GUCY2D: variants seen among roughly 807,000 people sequenced by gnomAD.
The protein encoded by GUCY2D is retinal guanylyl cyclase 1.
A neutral mutation model predicts 101.3 loss-of-function variants in GUCY2D; 70 were observed. That is an observed-to-expected ratio of 0.69 (90% CI 0.57 to 0.84). The LOEUF (loss-of-function observed/expected upper bound fraction) is 0.84, where lower values mean the gene tolerates loss of function less well. Among genes scored for constraint, GUCY2D ranks in the 40% least tolerant of loss-of-function variants. The probability of loss-of-function intolerance (pLI) is 0.00; values close to 1 mark genes in which losing one functional copy is unlikely to be tolerated. For missense variants in GUCY2D, 1,460 were observed against 1,542.5 expected, an observed-to-expected ratio of 0.95 and a Z score of 0.90; for synonymous variants, 688 against 670.7, an observed-to-expected ratio of 1.03 and a Z score of -0.40.
rs1178444324 is a variant in GUCY2D at position 8,004,321 on chromosome 17, G to T, written c.1026+165G>T. Reference sequence around the variant, plus strand: ...CTGGCCCCACTTGGGGTCTCTTAGTGTACGAGGATTGCCTCTAGAGAGTAG... The same window carrying T: ...CTGGCCCCACTTGGGGTCTCTTAGTTTACGAGGATTGCCTCTAGAGAGTAG... On this transcript the variant is annotated intron_variant, in intron 3 of 19. Transcript: ENST00000254854. 5.9e-5 allele frequency among the ~76,000 whole-genome samples: 9 copies of T among 152,196 alleles called. No homozygotes were observed. In the East Asian group the frequency reaches 1.7e-3, roughly 29 times the overall value.
intron 6 of GUCY2D, 60 bp downstream of exon 6, chr17:8,007,588 C>A: frequency 9.4e-7 from 1 of 1,068,084 alleles, no homozygotes; most frequent in Non-Finnish European, 1.5e-6. Context: ...GGTTCCTTCC[C>A]TGGGCCAGTC....
Position 8,006,538 on chromosome 17 carries a change from C to T in GUCY2D, c.1202C>T (p.Pro401Leu), listed in dbSNP as rs1413237485. ...GACCTAGGAGGAGACGAGGAGCCCCCATTCGTGCTGCTAGACACGGACGCG... is the reference window on the plus strand; with the variant it reads ...GACCTAGGAGGAGACGAGGAGCCCCTATTCGTGCTGCTAGACACGGACGCG... ...CGDLGGDEEPPFVLLDTDAAG... is the reference protein window; with the variant it reads ...CGDLGGDEEPLFVLLDTDAAG... The change falls in exon 4 of 20, where the codon CCA becomes CTA. Residue 401 changes from proline to leucine, a missense_variant. Pro to Leu is a moderately conservative substitution (Grantham distance 98). Transcript: ENST00000254854. The T allele has an allele frequency of 3.1e-6, 5 of 1,612,246 alleles. No homozygotes were observed. The highest frequency in any genetic ancestry group is 4.2e-6 in the Non-Finnish European group (5 of 1,180,028).
rs373362030 is a variant in GUCY2D at position 8,012,168 on chromosome 17, G to A, written c.1774G>A (p.Val592Met). The change falls in exon 9 of 20, where the codon GTG becomes ATG. Residue 592 changes from valine (V) to methionine (M), a missense_variant. This residue lies in a region of GUCY2D where 1,196 missense variants were observed against 1,229.6 expected (regional missense o/e 0.97). Transcript: ENST00000254854. ...GCTCCAGGAGCTCCGGCATGAGAAC[G>A]TGGCCCTCTACCTGGGGCTTTTCCT... ...SKLQELRHEN[V>M]ALYLGLFLAR... 4 of 1,613,852 alleles carry A rather than the reference G, an allele frequency of 2.5e-6. No homozygotes were observed. The highest frequency in any genetic ancestry group is 2.2e-5 in the East Asian group (1 of 44,880).
At chr17:8,015,639 G>C in intron 15 of GUCY2D, 104 bp from the exon 16 acceptor site, 1 of 1,181,846 alleles carries the variant, frequency 8.5e-7, no homozygotes, top group South Asian at 1.3e-5. Context: ...AGGCTTATTT[G>C]GGGGGCTGGT....
Position 8,013,145 on chromosome 17 carries a change from T to C in GUCY2D, c.2156T>C (p.Leu719Pro), listed in dbSNP as rs756464199. 11 of 1,613,736 alleles carry C rather than the reference T, an allele frequency of 6.8e-6. No individual in the cohort carries two copies. The highest frequency in any genetic ancestry group is 9.3e-6 in the Non-Finnish European group (11 of 1,179,980). Residue 719 changes from leucine to proline, a missense_variant, in exon 11 of 20, where the codon CTG becomes CCG. Transcript: ENST00000254854. The surrounding 1 kb of genome is among the most constrained non-coding windows in gnomAD (Gnocchi z 5.0). ...TAPELLRDPA[L>P]ERRGTLAGDV... Reference sequence around the variant, plus strand: ...CCGGAGCTGCTTAGGGACCCAGCCCTGGAGCGCCGGGGAACGCTGGCCGGC... The same window carrying C: ...CCGGAGCTGCTTAGGGACCCAGCCCCGGAGCGCCGGGGAACGCTGGCCGGC...
Position 8,013,175 on chromosome 17 carries a change from T to C in GUCY2D, c.2186T>C (p.Val729Ala). 2 of 1,614,020 alleles carry C rather than the reference T, an allele frequency of 1.2e-6. 1 individual carries two copies. Among genetic ancestry groups the C allele is most frequent in the Non-Finnish European group, 1.7e-6 (2 of 1,179,974 alleles). ...LERRGTLAGDVFSLAIIMQEV... is the reference protein window; with the variant it reads ...LERRGTLAGDAFSLAIIMQEV... ...CGCCGGGGAACGCTGGCCGGCGACG[T>C]CTTTAGCTTGGCCATCATCATGCAA... Residue 729 changes from valine (V) to alanine (A), a missense_variant, in exon 11 of 20, where the codon GTC (valine) becomes GCC (alanine). This residue lies in a region of GUCY2D where 1,196 missense variants were observed against 1,229.6 expected (regional missense o/e 0.97). Coordinates refer to ENST00000254854, the MANE Select transcript of GUCY2D (RefSeq NM_000180.4). The surrounding 1 kb of genome is among the most constrained non-coding windows in gnomAD (Gnocchi z 5.0).
chr17:8,013,057 T>C lies in GUCY2D; in HGVS notation c.2114-46T>C. On this transcript the variant is annotated intron_variant, in intron 10 of 19. Transcript: ENST00000254854. The surrounding 1 kb of genome is among the most constrained non-coding windows in gnomAD (Gnocchi z 5.0). ...GCCAACCTGGGCTTTCTGGTGAGGG[T>C]GGGAGTCTTTCCCCAGCGGCGCCTC... is the stretch of plus-strand genomic sequence containing the variant. 1.3e-6 allele frequency: 2 copies of C among 1,587,504 alleles called. No homozygotes were observed. Among genetic ancestry groups the C allele is most frequent in the Non-Finnish European group, 1.7e-6 (2 of 1,164,602 alleles).
In GUCY2D at chr17:8,002,763, T is replaced by G. The variant is rs1314903328; in HGVS notation, c.-10+29T>G. On this transcript the variant is annotated intron_variant, in intron 1 of 19. Transcript: ENST00000254854. The surrounding 1 kb of genome is among the most constrained non-coding windows in gnomAD (Gnocchi z 4.9). ...AATGTCAGAGGCCCCTCCGCTGGGATAGGGTCGGTCTGAGGGCGCAGGCGA... is the reference window on the plus strand; with the variant it reads ...AATGTCAGAGGCCCCTCCGCTGGGAGAGGGTCGGTCTGAGGGCGCAGGCGA... 1.9e-5 allele frequency: 8 copies of G among 420,064 alleles called. No homozygotes were observed. The highest frequency in any genetic ancestry group is 1.9e-4 in the Admixed American group (4 of 21,548). The allele number at this position is 420,064 out of a possible 1,614,324, so 26.0% of individuals were successfully genotyped here. A position where few individuals can be genotyped will look rare whatever the true frequency, so the allele number is the denominator to read the frequency against.
rs570604735 is a variant in GUCY2D at position 8,013,794 on chromosome 17, TC to T, written c.2264-85del. 467 of 1,122,734 alleles carry T rather than the reference TC, an allele frequency of 4.2e-4. 8 individuals carry two copies. In the South Asian group the frequency reaches 5.1e-3, roughly 12 times the overall value. The allele number at this position is 1,122,734 out of a possible 1,614,324, so 69.5% of individuals were successfully genotyped here. A position where few individuals can be genotyped will look rare whatever the true frequency, so the allele number is the denominator to read the frequency against. The stretch of plus-strand genomic sequence containing the variant: ...CCCCTGCCAGGCACCCCCTCCCACA[TC>T]TTGGTCTTCAACAGTCAGGCCAGGG... On this transcript the variant is annotated intron_variant, in intron 11 of 19. Coordinates refer to ENST00000254854, the MANE Select transcript of GUCY2D (RefSeq NM_000180.4). This position sits in a 1 kb window ranked among gnomAD's most constrained non-coding sequence, Gnocchi z 5.0.
chr17:8,015,155 T>G, intron 14 of GUCY2D, 104 bp downstream of exon 14: 2 of 1,148,760 alleles, frequency 1.7e-6, no homozygotes, highest in South Asian at 2.6e-5. Flanking sequence ...CCAATCAATC[T>G]TCTTTCCCAG....
chr17:8,014,880 G>A lies in GUCY2D; in HGVS notation c.2598G>A (p.Lys866=), dbSNP rs201587670. The A allele has an allele frequency of 1.2e-6, 2 of 1,614,166 alleles. No homozygotes were observed. Among genetic ancestry groups the A allele is most frequent in the Admixed American group, 3.3e-5 (2 of 60,024 alleles). The change falls in exon 14 of 20, where the codon AAG becomes AAA. Residue 866 remains lysine (K), a synonymous_variant. Transcript: ENST00000254854. This position sits in a 1 kb window ranked among gnomAD's most constrained non-coding sequence, Gnocchi z 4.0. ...CTAGGTCTGTGGCTGAGGCCTTGAA[G>A]ACGGGGACACCAGTGGAGCCCGAGT... ...MLPPSVAEAL[K]TGTPVEPEYF...
rs374566845 is a variant in GUCY2D at position 8,007,911 on chromosome 17, C to T, written c.1567-20C>T. 2 of 1,490,542 alleles carry T rather than the reference C, an allele frequency of 1.3e-6. No homozygotes were observed. Among genetic ancestry groups the T allele is most frequent in the Non-Finnish European group, 1.9e-6 (2 of 1,067,438 alleles). 92.3% of individuals were successfully genotyped at this position (1,490,542 alleles called of 1,614,324 possible). ...CACCAGAATATATTTTGACCTCTTG[C>T]ATTGACCTCTACCTGCTAGGTGGCC... On this transcript the variant is annotated intron_variant, in intron 6 of 19. Transcript: ENST00000254854.
In GUCY2D at chr17:8,012,137, C is replaced by G. The variant is rs918147589; in HGVS notation, c.1750-7C>G. ...CAGAAAATGCAAGTCAACTCTCCCC[C>G]TCTCAGCTCCAGGAGCTCCGGCATG... is the stretch of plus-strand genomic sequence containing the variant. On this transcript the variant is annotated splice_polypyrimidine_tract_variant and splice_region_variant and intron_variant, in intron 8 of 19. Transcript: ENST00000254854. 29 of 1,609,890 alleles carry G rather than the reference C, an allele frequency of 1.8e-5. No individual in the cohort carries two copies. The highest frequency in any genetic ancestry group is 6.7e-5 in the Admixed American group (4 of 60,006).
At chr17:8,018,185 C>T (rs1976011738) in intron 19 of GUCY2D, among the ~76,000 whole-genome samples, 1 of 152,154 alleles carries the variant, frequency 6.6e-6, no homozygotes, top group Non-Finnish European at 1.5e-5. Flanking sequence ...AGTGAGTGTC[C>T]AGTCCCTGGA....
intron 8 of GUCY2D, among the ~76,000 whole-genome samples, chr17:8,010,733 C>T (rs952499676): frequency 1.4e-5 from 2 of 147,198 alleles, no homozygotes; most frequent in Non-Finnish European, 3.0e-5. Flanking sequence ...GGCGTGAACC[C>T]GGGAGGCGGA....
At chr17:8,008,350 T>C (rs1598147275) in intron 7 of GUCY2D, among the ~76,000 whole-genome samples, 1 of 152,126 alleles carries the variant, frequency 6.6e-6, no homozygotes, top group African/African-American at 2.4e-5. Flanking sequence ...GGTAACATGG[T>C]GTGGCCACTG....
At chr17:8,019,097 A>G (rs966995371) in intron 19 of GUCY2D, among the ~76,000 whole-genome samples, 1 of 152,208 alleles carries the variant, frequency 6.6e-6, no homozygotes, top group South Asian at 2.1e-4. Context: ...AGTTATTTAC[A>G]TTCTTGAAGA....
chr17:8,003,077 G>C lies in GUCY2D; in HGVS notation c.30G>C (p.Gly10=). MTACARRAG[G]LPDPGLCGPA... is the part of the protein sequence containing the mutation. The stretch of plus-strand genomic sequence containing the variant: ...CCGCCTGCGCCCGCCGAGCGGGTGG[G>C]CTTCCGGACCCCGGGCTCTGCGGTC... Residue 10 remains glycine (G), a synonymous_variant, in exon 2 of 20, where the codon GGG becomes GGC. Coordinates refer to ENST00000254854, the MANE Select transcript of GUCY2D (RefSeq NM_000180.4). The C allele has an allele frequency of 6.6e-7, 1 of 1,526,516 alleles. No individual in the cohort carries two copies. Among genetic ancestry groups the C allele is most frequent in the Non-Finnish European group, 8.7e-7 (1 of 1,143,250 alleles). 94.6% of individuals were successfully genotyped at this position (1,526,516 alleles called of 1,614,324 possible).
intron 19 of GUCY2D, among the ~76,000 whole-genome samples, chr17:8,018,073 T>C (rs1489437482): frequency 6.6e-6 from 1 of 152,208 alleles, no homozygotes; most frequent in African/African-American, 2.4e-5. Flanking sequence ...TTCCAGAGCC[T>C]GGGCCTTGGC....
Sources: gnomAD v4.1 joint callset for allele counts (sites outside exome capture counted in the v4.1 genomes callset) on GRCh38, gnomAD v4.1.1 for gene constraint, gnomAD v4.1.1 regional missense constraint, Gnocchi (gnomAD v3.1) non-coding constraint, MANE v1.5 for transcripts, NCBI Gene and HGNC (gene_info 2026-07-23, HGNC 2026-07-21) for gene names.